Variants in CD52 observed in about 807,000 individuals in gnomAD.
CD52 encodes the protein CD52 molecule.
In CD52, 2 loss-of-function variants were observed where a neutral mutation model predicts 2.5. The ratio of observed to expected loss-of-function variants is 0.79; its 90% CI spans 0.32 to 2.48. CD52 has a LOEUF of 2.48. Ranked by LOEUF, CD52 falls within the 30% of genes most tolerant of loss-of-function variation. The pLI is 0.11. For missense variants in CD52, 62 were observed against 75.8 expected, an observed-to-expected ratio of 0.82 and a Z score of 0.68; for synonymous variants, 24 against 27.7, an observed-to-expected ratio of 0.87 and a Z score of 0.42.
At chr1:26,319,178 C>T (rs1018488736) in intron 1 of CD52, among the ~76,000 whole-genome samples, 6 of 152,086 alleles carry the variant, frequency 3.9e-5, no homozygotes, top group African/African-American at 7.2e-5. Flanking sequence ...GCGAGCCGGG[C>T]GCGCTGGCTC....
intron 1 of CD52, chr1:26,318,950 C>A (rs1437806743): frequency 1.3e-5 from 2 of 152,286 alleles, no homozygotes; most frequent in African/African-American, 4.8e-5. Flanking sequence ...CTAGGAAGGT[C>A]AAGGGCCAGG....
chr1:26,318,250 T>A, intron 1 of CD52, 179 bp downstream of exon 1: 1 of 611,218 alleles, frequency 1.6e-6, no homozygotes. Context: ...CCAGCTCTTC[T>A]GGCTGGGGCT....
At chr1:26,319,980 C>T (rs4659427) in intron 1 of CD52, among the ~76,000 whole-genome samples, 191 bp from the exon 2 acceptor site, 21,228 of 151,630 alleles carry the variant, frequency 0.14, 1,958 homozygotes, top group Middle Eastern at 0.22. Context: ...ATTAGCCGGG[C>T]GTGGTGGCAC....
chr1:26,318,873 C>G (rs766584697), intron 1 of CD52: 1 of 152,514 alleles, frequency 6.6e-6, no homozygotes, highest in Non-Finnish European at 1.5e-5. Flanking sequence ...ACCTTCACAA[C>G]TGTGATGAAC....
intron 1 of CD52, among the ~76,000 whole-genome samples, chr1:26,319,892 CG>C (rs2073835680): frequency 1.3e-5 from 2 of 151,926 alleles, no homozygotes; most frequent in Middle Eastern, 3.2e-3. Context: ...GAGGCCGAGG[CG>C]GGTGGATCAC....
intron 1 of CD52, 52 bp from the exon 2 acceptor site, chr1:26,320,119 C>CT: frequency 6.9e-7 from 1 of 1,455,934 alleles, no homozygotes; most frequent in Non-Finnish European, 9.4e-7. Context: ...GACTCCACCT[C>CT]TAAAAAAAAA....
chr1:26,320,145 A>T, intron 1 of CD52, 26 bp from the exon 2 acceptor site: 5 of 1,595,400 alleles, frequency 3.1e-6, no homozygotes, highest in Middle Eastern at 1.7e-4. Flanking sequence ...AAGTCCCCTG[A>T]TCTTATCCCA....
rs1367122510 is a variant in CD52 at position 26,320,203 on chromosome 1, C to T, written c.87C>T (p.Thr29=). 2 of 1,613,776 alleles carry T rather than the reference C, an allele frequency of 1.2e-6. No homozygotes were observed. Among genetic ancestry groups the T allele is most frequent in the Non-Finnish European group, 1.7e-6 (2 of 1,179,966 alleles). The change falls in exon 2 of 2, where the codon ACC becomes ACT. Residue 29 remains threonine (T), a synonymous_variant. Transcript: ENST00000374213. Reference sequence around the variant, plus strand: ...CTGGACTCTCAGGACAAAACGACACCAGCCAAACCAGCAGCCCCTCAGCAT... The same window carrying T: ...CTGGACTCTCAGGACAAAACGACACTAGCCAAACCAGCAGCCCCTCAGCAT... ...IQTGLSGQND[T]SQTSSPSASS... is the part of the protein sequence containing the mutation.
At chr1:26,320,096 G>C in intron 1 of CD52, 75 bp from the exon 2 acceptor site, 1 of 1,532,412 alleles carries the variant, frequency 6.5e-7, no homozygotes, top group Non-Finnish European at 8.8e-7. Context: ...GTCCAGCCTG[G>C]GTGACAGAGT....
chr1:26,318,258 G>C, intron 1 of CD52, 187 bp downstream of exon 1: 1 of 594,544 alleles, frequency 1.7e-6, no homozygotes, highest in Non-Finnish European at 3.0e-6. Context: ...TCTGGCTGGG[G>C]CTGCACTGCT....
intron 1 of CD52, among the ~76,000 whole-genome samples, chr1:26,319,711 G>C (rs1038699779): frequency 6.6e-6 from 1 of 152,092 alleles, no homozygotes; most frequent in African/African-American, 2.4e-5. Flanking sequence ...AGGACCTTGT[G>C]GAAGAAGTAG....
In CD52 at chr1:26,320,351, C is replaced by A. The variant is rs778143797; in HGVS notation, c.*49C>A. The A allele has an allele frequency of 6.4e-7, 1 of 1,565,052 alleles. No individual in the cohort carries two copies. Among genetic ancestry groups the A allele is most frequent in the South Asian group, 1.2e-5 (1 of 85,006 alleles). ...CTGTGCCCCCTGAAACAGCTGCCAC[C>A]ATCACTCGCAAGAGAATCCCCTCCA... On this transcript the variant is annotated 3_prime_UTR_variant, in exon 2 of 2. Coordinates refer to ENST00000374213, the MANE Select transcript of CD52 (RefSeq NM_001803.3).
chr1:26,320,378 C>G lies in CD52; in HGVS notation c.*76C>G. 1 of 1,516,238 alleles carries G rather than the reference C, an allele frequency of 6.6e-7. No individual in the cohort carries two copies. The allele number at this position is 1,516,238 out of a possible 1,614,324, so 93.9% of individuals were successfully genotyped here. On this transcript the variant is annotated 3_prime_UTR_variant, in exon 2 of 2. Transcript: ENST00000374213. ...TCACTCGCAAGAGAATCCCCTCCATCTTTGGGAGGGGTTGATGCCAGACAT... is the reference window on the plus strand; with the variant it reads ...TCACTCGCAAGAGAATCCCCTCCATGTTTGGGAGGGGTTGATGCCAGACAT...
Position 26,320,481 on chromosome 1 carries a change from C to A in CD52, c.*179C>A. ...GGGGGGTAATGATGTAGGGGCCAAG[C>A]AGTGCCCAGCTGGGGGTCAATAAAG... On this transcript the variant is annotated 3_prime_UTR_variant, in exon 2 of 2. Coordinates refer to ENST00000374213, the MANE Select transcript of CD52 (RefSeq NM_001803.3). The A allele has an allele frequency of 2.8e-6, 2 of 708,302 alleles. No individual in the cohort carries two copies. The highest frequency in any genetic ancestry group is 4.5e-6 in the Non-Finnish European group (2 of 443,726). 43.9% of individuals were successfully genotyped at this position (708,302 alleles called of 1,614,324 possible).
chr1:26,318,036 C>G lies in CD52; in HGVS notation c.19C>G (p.Leu7Val). ...TACCAAAATGAAGCGCTTCCTCTTCCTCCTACTCACCATCAGCCTCCTGGT... is the reference window on the plus strand; with the variant it reads ...TACCAAAATGAAGCGCTTCCTCTTCGTCCTACTCACCATCAGCCTCCTGGT... MKRFLF[L>V]LLTISLLVMV... is the part of the protein sequence containing the mutation. The change falls in exon 1 of 2, where the codon CTC becomes GTC. Residue 7 changes from leucine to valine, a missense_variant. Physicochemically the swap from Leu to Val is conservative, Grantham distance 32. Transcript: ENST00000374213. 1.2e-6 allele frequency: 2 copies of G among 1,614,198 alleles called. No individual in the cohort carries two copies. Among genetic ancestry groups the G allele is most frequent in the Non-Finnish European group, 1.7e-6 (2 of 1,180,018 alleles).
rs2073816735 is a variant in CD52 at position 26,318,062 on chromosome 1, T to C, written c.45T>C (p.Val15=). Residue 15 remains valine (V), a synonymous_variant, in exon 1 of 2, where the codon GTT becomes GTC. Coordinates refer to ENST00000374213, the MANE Select transcript of CD52 (RefSeq NM_001803.3). ...TCCTACTCACCATCAGCCTCCTGGT[T>C]ATGGTACAGGTAAGAGCAACGCCTG... ...LFLLLTISLL[V]MVQIQTGLSG... is the part of the protein sequence containing the mutation. 6.2e-7 allele frequency: 1 copy of C among 1,614,006 alleles called. No homozygotes were observed. Among genetic ancestry groups the C allele is most frequent in the Non-Finnish European group, 8.5e-7 (1 of 1,179,910 alleles).
intron 1 of CD52, among the ~76,000 whole-genome samples, chr1:26,319,181 G>A (rs1320786960): frequency 3.9e-5 from 6 of 152,102 alleles, no homozygotes; most frequent in Non-Finnish European, 7.4e-5. Flanking sequence ...AGCCGGGCGC[G>A]CTGGCTCGCG....
intron 1 of CD52, chr1:26,318,412 G>A (rs1262263130): frequency 2.1e-5 from 5 of 235,054 alleles, no homozygotes; most frequent in Middle Eastern, 3.3e-3. Flanking sequence ...GAAGGCATCG[G>A]CCCACAGGGA....
rs2073842181 is a variant in CD52 at position 26,320,406 on chromosome 1, C to G, written c.*104C>G. 1 of 1,444,568 alleles carries G rather than the reference C, an allele frequency of 6.9e-7. No homozygotes were observed. The highest frequency in any genetic ancestry group is 9.3e-7 in the Non-Finnish European group (1 of 1,078,514). 89.5% of individuals were successfully genotyped at this position (1,444,568 alleles called of 1,614,324 possible). ...TGGGAGGGGTTGATGCCAGACATCA[C>G]CAGGTTGTAGAAGTTGACAGGCAGT... On this transcript the variant is annotated 3_prime_UTR_variant, in exon 2 of 2. Coordinates refer to ENST00000374213, the MANE Select transcript of CD52 (RefSeq NM_001803.3).
Sources: allele counts gnomAD v4.1 joint callset (sites outside exome capture counted in the v4.1 genomes callset), GRCh38; gene constraint gnomAD v4.1.1; transcripts MANE v1.5; gene names NCBI Gene and HGNC (gene_info 2026-07-23, HGNC 2026-07-21).